The following RASGEF1C variants were observed in gnomAD, a reference collection of about 807,000 sequenced individuals.
RASGEF1C encodes RasGEF domain family member 1C, also known as ras-GEF domain-containing family member 1C.
In RASGEF1C, 27 loss-of-function variants were observed where a neutral mutation model predicts 58.1. The ratio of observed to expected loss-of-function variants is 0.46; its 90% CI spans 0.34 to 0.64. RASGEF1C has a LOEUF of 0.64. RASGEF1C is among the 30% of genes least tolerant of loss of function. The pLI, the probability that RASGEF1C is intolerant of heterozygous loss-of-function variation, is 0.01. For synonymous variants in RASGEF1C, 243 were observed against 246.3 expected (o/e 0.99, Z 0.13); for missense variants, 502 against 605.1 (o/e 0.83, Z 1.79).
chr5:180,207,874 C>A (rs1561762122), intron 1 of RASGEF1C, among the ~76,000 whole-genome samples: 1 of 152,234 alleles, frequency 6.6e-6, no homozygotes, highest in Non-Finnish European at 1.5e-5. Context: ...GGCTCCGCCG[C>A]GCCCTGGTCT....
intron 8 of RASGEF1C, 129 bp from the exon 9 acceptor site, chr5:180,118,995 G>A (rs949036403): frequency 1.1e-4 from 85 of 806,658 alleles, no homozygotes; most frequent in Admixed American, 3.0e-4. Context: ...CATGGTGGGT[G>A]GGTGAGGGGG....
chr5:180,111,291 A>G (rs1043889482), intron 12 of RASGEF1C, among the ~76,000 whole-genome samples, 166 bp downstream of exon 12: 1 of 152,084 alleles, frequency 6.6e-6, no homozygotes, highest in Non-Finnish European at 1.5e-5. Context: ...TGGAGTGGCA[A>G]TGGGCCAGCC....
intron 6 of RASGEF1C, among the ~76,000 whole-genome samples, chr5:180,124,706 C>T (rs1210620439): frequency 6.6e-6 from 1 of 151,954 alleles, no homozygotes; most frequent in African/African-American, 2.4e-5. Context: ...CACCTGTAAT[C>T]CTAGCTATTT....
At chr5:180,169,432 G>C (rs62406103) in intron 1 of RASGEF1C, among the ~76,000 whole-genome samples, 1 of 152,038 alleles carries the variant, frequency 6.6e-6, no homozygotes, top group African/African-American at 2.4e-5. Flanking sequence ...TGGAAGCAGC[G>C]TTCACAAATG....
intron 1 of RASGEF1C, among the ~76,000 whole-genome samples, chr5:180,208,802 G>A (rs1226012137): frequency 1.3e-5 from 2 of 151,874 alleles, no homozygotes; most frequent in Admixed American, 6.6e-5. Flanking sequence ...TCTCCCGCCA[G>A]GTGGCCGGGG....
At chr5:180,170,719 C>T (rs1048475194) in intron 1 of RASGEF1C, among the ~76,000 whole-genome samples, 2 of 152,242 alleles carry the variant, frequency 1.3e-5, no homozygotes, top group African/African-American at 4.8e-5. Flanking sequence ...TGCATGGGGC[C>T]ACCAGACCTC....
At chr5:180,154,364 G>A (rs368648735) in intron 1 of RASGEF1C, among the ~76,000 whole-genome samples, 9 of 152,216 alleles carry the variant, frequency 5.9e-5, no homozygotes, top group Non-Finnish European at 8.8e-5. Flanking sequence ...CACCTTACCC[G>A]GACAGGTTCT....
Position 180,127,701 on chromosome 5 carries a change from G to T in RASGEF1C, c.640-18C>A. 6.2e-7 allele frequency: 1 copy of T among 1,610,194 alleles called. No individual in the cohort carries two copies. Among genetic ancestry groups the T allele is most frequent in the South Asian group, 1.1e-5 (1 of 90,614 alleles). On this transcript the variant is annotated intron_variant, in intron 5 of 13. Coordinates refer to ENST00000361132, the MANE Select transcript of RASGEF1C (RefSeq NM_175062.4). ...AGCCGCTCCTGCAGGGAAGGGTGAA[G>T]AGTGGGTAAAAGAGGGAAGGTATGG... is the stretch of plus-strand genomic sequence containing the variant.
chr5:180,204,892 G>T (rs925457083), intron 1 of RASGEF1C, among the ~76,000 whole-genome samples: 2 of 152,094 alleles, frequency 1.3e-5, no homozygotes, highest in Non-Finnish European at 2.9e-5. Flanking sequence ...CAGAATCAAA[G>T]ATATGACTAA....
chr5:180,152,556 C>A (rs574760709), intron 1 of RASGEF1C, among the ~76,000 whole-genome samples: 111 of 106,186 alleles, frequency 1.0e-3, no homozygotes, highest in East Asian at 1.3e-3. Flanking sequence ...CACACCGGGG[C>A]CTGTTGTGGG....
intron 1 of RASGEF1C, among the ~76,000 whole-genome samples, chr5:180,144,667 T>A (rs1260470197): frequency 6.6e-6 from 1 of 152,124 alleles, no homozygotes; most frequent in Non-Finnish European, 1.5e-5. Flanking sequence ...TAAAAAAATA[T>A]ACTTAACATA....
intron 1 of RASGEF1C, among the ~76,000 whole-genome samples, chr5:180,194,040 G>GA (rs1292452872): frequency 2.3e-3 from 316 of 134,538 alleles, no homozygotes; most frequent in South Asian, 3.8e-3. Context: ...TGAAAAGGTT[G>GA]AAAAAAAAAA....
Position 180,209,205 on chromosome 5 carries a change from G to A in RASGEF1C, c.-184C>T, listed in dbSNP as rs895202021. ...ACGAGCGCCTGGCGGCGGCCCCGGAGCAACGCGGCGCTGCGCCCCCTCGTG... is the reference window on the plus strand; with the variant it reads ...ACGAGCGCCTGGCGGCGGCCCCGGAACAACGCGGCGCTGCGCCCCCTCGTG... On this transcript the variant is annotated 5_prime_UTR_variant, in exon 1 of 14. Transcript: ENST00000361132. The A allele has an allele frequency of 6.7e-4, 98 of 147,312 alleles. No individual in the cohort carries two copies. Among genetic ancestry groups the A allele is most frequent in the Admixed American group, 2.7e-3 (40 of 14,800 alleles). 9.1% of individuals were successfully genotyped at this position (147,312 alleles called of 1,614,324 possible).
chr5:180,182,164 C>A (rs1767346848), intron 1 of RASGEF1C, among the ~76,000 whole-genome samples: 1 of 132,302 alleles, frequency 7.6e-6, no homozygotes, highest in African/African-American at 3.0e-5. Flanking sequence ...GAGATCGCGC[C>A]ACTGAACTCC....
intron 1 of RASGEF1C, among the ~76,000 whole-genome samples, chr5:180,142,269 G>A (rs1766591151): frequency 6.6e-6 from 1 of 152,144 alleles, no homozygotes; most frequent in African/African-American, 2.4e-5. Flanking sequence ...GTGGGGTTCC[G>A]CTTCCTACCC....
intron 10 of RASGEF1C, chr5:180,115,173 C>T (rs1389391974): frequency 6.0e-6 from 2 of 330,590 alleles, no homozygotes; most frequent in Middle Eastern, 8.0e-4. Flanking sequence ...TGCTGCCACG[C>T]CCGGCTAGTT....
In RASGEF1C at chr5:180,154,121, G is replaced by A. The variant is rs553312994; in HGVS notation, c.-6-16063C>T. 8.5e-5 allele frequency among the ~76,000 whole-genome samples: 13 copies of A among 152,320 alleles called. No individual in the cohort carries two copies. In the East Asian group the frequency reaches 9.7e-4, roughly 11 times the overall value. ...TCTGTGAAGGGCGCCCAGAAGCTCC[G>A]AGAAGAGGCCGGAATTCTAAGTTTT... On this transcript the variant is annotated intron_variant, in intron 1 of 13. Transcript: ENST00000361132.
At chr5:180,136,802 A>AG (rs1348112514) in intron 3 of RASGEF1C, 1 of 462,938 alleles carries the variant, frequency 2.2e-6, no homozygotes, top group South Asian at 2.8e-5. Flanking sequence ...TCCTCAGAGC[A>AG]GGGGACCCTG....
chr5:180,208,654 C>G (rs1220405082), intron 1 of RASGEF1C, among the ~76,000 whole-genome samples: 1 of 152,184 alleles, frequency 6.6e-6, no homozygotes, highest in African/African-American at 2.4e-5. Flanking sequence ...TTTCCCGTCC[C>G]CATTTCATAG....
Sources: gnomAD v4.1 joint callset for allele counts (sites outside exome capture counted in the v4.1 genomes callset) on GRCh38, gnomAD v4.1.1 for gene constraint, MANE v1.5 for transcripts, NCBI Gene and HGNC (gene_info 2026-07-23, HGNC 2026-07-21) for gene names.